The following SOX5 variants were observed in gnomAD, a reference collection of about 807,000 sequenced individuals.
SOX5 encodes transcription factor SOX-5.
SOX5 carries 9 observed loss-of-function variants against 92.0 expected under a neutral mutation model. The ratio of observed to expected loss-of-function variants is 0.10; its 90% CI spans 0.06 to 0.17. The LOEUF (loss-of-function observed/expected upper bound fraction) is 0.17, where lower values mean the gene tolerates loss of function less well. Ranked by LOEUF, SOX5 falls within the 10% of genes least tolerant of loss-of-function variation. The pLI is 1.00. For synonymous variants in SOX5, 344 were observed against 336.3 expected, an observed-to-expected ratio of 1.02 and a Z score of -0.25; for missense variants, 642 against 944.5, an observed-to-expected ratio of 0.68 and a Z score of 4.20.
At chr12:24,525,432 T>C (rs545666783) in intron 1 of SOX5, among the ~76,000 whole-genome samples, 1 of 152,198 alleles carries the variant, frequency 6.6e-6, no homozygotes, top group Non-Finnish European at 1.5e-5. Context: ...TTAAGCAGGA[T>C]GAATGAGCTC....
intron 2 of SOX5, among the ~76,000 whole-genome samples, chr12:24,351,154 A>G (rs1440893081): frequency 6.6e-6 from 1 of 152,208 alleles, no homozygotes; most frequent in Non-Finnish European, 1.5e-5. Flanking sequence ...TTGTTATACT[A>G]CAGGATTTTT....
intron 6 of SOX5, among the ~76,000 whole-genome samples, chr12:23,685,509 G>C (rs1263365676): frequency 6.6e-6 from 1 of 152,018 alleles, no homozygotes; most frequent in East Asian, 1.9e-4. Flanking sequence ...AAATAATGTA[G>C]TGAAATACAT....
intron 4 of SOX5, among the ~76,000 whole-genome samples, chr12:24,115,759 C>CA (rs1269741180): frequency 6.6e-6 from 1 of 152,068 alleles, no homozygotes; most frequent in Non-Finnish European, 1.5e-5. Flanking sequence ...ATAGTCATAA[C>CA]AATGCAAATA....
intron 1 of SOX5, among the ~76,000 whole-genome samples, chr12:23,937,150 T>C (rs1274801873): frequency 2.0e-5 from 3 of 150,952 alleles, no homozygotes; most frequent in Non-Finnish European, 3.0e-5. Flanking sequence ...TTTCCTAATG[T>C]TTAAAAAGAC....
chr12:23,589,725 G>A (rs1167805566), intron 9 of SOX5, among the ~76,000 whole-genome samples: 4 of 151,778 alleles, frequency 2.6e-5, no homozygotes, highest in East Asian at 3.9e-4. Flanking sequence ...TTTCAGAGTC[G>A]TTTTGTATAA....
intron 6 of SOX5, among the ~76,000 whole-genome samples, chr12:23,726,045 C>G (rs1194507470): frequency 6.6e-6 from 1 of 151,082 alleles, no homozygotes; most frequent in African/African-American, 2.4e-5. Flanking sequence ...CCCTACTCAT[C>G]TTTTCTTTCC....
intron 2 of SOX5, among the ~76,000 whole-genome samples, chr12:23,887,663 AT>A: frequency 6.6e-6 from 1 of 152,306 alleles, no homozygotes; most frequent in Middle Eastern, 3.4e-3. Context: ...GAAAGGAAAC[AT>A]TTGAAACTTC....
chr12:24,432,186 G>A (rs1043108952), intron 1 of SOX5, among the ~76,000 whole-genome samples: 2 of 152,126 alleles, frequency 1.3e-5, no homozygotes, highest in Admixed American at 6.5e-5. Flanking sequence ...ACAGACTGGA[G>A]GCCAAAGACC....
chr12:24,458,103 T>C (rs927750037), intron 1 of SOX5, among the ~76,000 whole-genome samples: 1 of 152,156 alleles, frequency 6.6e-6, no homozygotes, highest in South Asian at 2.1e-4. Context: ...CACCTGAATA[T>C]CTTGTTAAAA....
chr12:24,267,758 T>C (rs1191340382), intron 3 of SOX5, among the ~76,000 whole-genome samples: 2 of 152,206 alleles, frequency 1.3e-5, no homozygotes, highest in East Asian at 3.8e-4. Flanking sequence ...TGTATTATTT[T>C]ATTTGGAAGT....
intron 4 of SOX5, among the ~76,000 whole-genome samples, chr12:24,117,343 C>T (rs543070237): frequency 2.6e-5 from 4 of 152,056 alleles, no homozygotes; most frequent in Non-Finnish European, 4.4e-5. Context: ...AAAAGGGAAC[C>T]CTTGTACACT....
chr12:23,713,368 G>A (rs78610786), intron 6 of SOX5, among the ~76,000 whole-genome samples: 2,108 of 152,214 alleles, frequency 0.014, 46 homozygotes, highest in African/African-American at 0.048. Flanking sequence ...AAGCCACCAA[G>A]TTTGTGGGTA....
At chr12:23,538,491 C>A (rs945092111) in intron 13 of SOX5, among the ~76,000 whole-genome samples, 1 of 152,194 alleles carries the variant, frequency 6.6e-6, no homozygotes, top group African/African-American at 2.4e-5. Flanking sequence ...TTTGTAGGGA[C>A]AATCTCAAAC....
At chr12:24,170,804 C>T (rs1158992750) in intron 4 of SOX5, among the ~76,000 whole-genome samples, 1 of 152,168 alleles carries the variant, frequency 6.6e-6, no homozygotes. Context: ...TCAGAGGACA[C>T]AGAATATTGC....
intron 4 of SOX5, among the ~76,000 whole-genome samples, chr12:24,050,469 A>T (rs1205808516): frequency 6.6e-6 from 1 of 152,166 alleles, no homozygotes; most frequent in African/African-American, 2.4e-5. Flanking sequence ...ACTTAAAAAA[A>T]CTACGATAGG....
chr12:23,969,019 T>A (rs1183913200), intron 4 of SOX5, among the ~76,000 whole-genome samples: 1 of 152,150 alleles, frequency 6.6e-6, no homozygotes, highest in East Asian at 1.9e-4. Flanking sequence ...CGTCCCCAAA[T>A]TAAACTCATC....
intron 4 of SOX5, among the ~76,000 whole-genome samples, chr12:24,070,187 C>T (rs868236478): frequency 6.6e-6 from 1 of 152,324 alleles, no homozygotes; most frequent in Middle Eastern, 3.4e-3. Flanking sequence ...TATTTTCACA[C>T]ACTACATGTA....
At chr12:24,453,286 G>A (rs146685232) in intron 1 of SOX5, among the ~76,000 whole-genome samples, 7 of 146,830 alleles carry the variant, frequency 4.8e-5, no homozygotes, top group African/African-American at 1.5e-4. Context: ...AAGGCACTAT[G>A]TTTTGAAATA....
intron 3 of SOX5, among the ~76,000 whole-genome samples, chr12:23,807,667 G>A (rs1196782018): frequency 6.8e-6 from 1 of 148,136 alleles, no homozygotes; most frequent in African/African-American, 2.5e-5. Flanking sequence ...TTGAGACAGA[G>A]TTTTGCTGTG....
Sources: allele counts gnomAD v4.1 joint callset (sites outside exome capture counted in the v4.1 genomes callset), GRCh38; gene constraint gnomAD v4.1.1; transcripts MANE v1.5; gene names NCBI Gene and HGNC (gene_info 2026-07-23, HGNC 2026-07-21).